The following STAT4 variants were observed in gnomAD, a reference collection of about 807,000 sequenced individuals.
The protein encoded by STAT4 is signal transducer and activator of transcription 4.
Under a neutral mutation model 110.5 loss-of-function variants are expected in STAT4, and 42 were observed. That is an observed-to-expected ratio of 0.38 (90% CI 0.30 to 0.49). The LOEUF is 0.49. Ranked by LOEUF, STAT4 falls within the 20% of genes least tolerant of loss-of-function variation. The pLI is 0.95. For synonymous variants in STAT4, 284 were observed against 302.2 expected, an observed-to-expected ratio of 0.94 and a Z score of 0.63; for missense variants, 632 against 887.9, an observed-to-expected ratio of 0.71 and a Z score of 3.66.
At chr2:191,055,753 A>G (rs913605509) in intron 13 of STAT4, among the ~76,000 whole-genome samples, 1 of 152,260 alleles carries the variant, frequency 6.6e-6, no homozygotes, top group African/African-American at 2.4e-5. Flanking sequence ...GACCACTGTA[A>G]AAACTGAGGT....
chr2:191,055,154 G>A (rs779177070), intron 13 of STAT4, among the ~76,000 whole-genome samples: 6 of 151,614 alleles, frequency 4.0e-5, no homozygotes, highest in South Asian at 4.2e-4. Context: ...AGTTAATAGC[G>A]TTGCAAAGTG....
rs1698478771 is a variant in STAT4 at position 191,113,293 on chromosome 2, A to G, written c.273+33320T>C. 6.6e-6 allele frequency among the ~76,000 whole-genome samples: 1 copy of G among 152,240 alleles called. No individual in the cohort carries two copies. Among genetic ancestry groups the G allele is most frequent in the African/African-American group, 2.4e-5 (1 of 41,464 alleles). Reference sequence around the variant, plus strand: ...CTGTGAGTAATCACACCGAACAAGCATTATCTCTCCTATTTTTTCCTTCTT... The same window carrying G: ...CTGTGAGTAATCACACCGAACAAGCGTTATCTCTCCTATTTTTTCCTTCTT... On this transcript the variant is annotated intron_variant, in intron 3 of 23. Transcript: ENST00000392320. The surrounding 1 kb of genome is among the most constrained non-coding windows in gnomAD (Gnocchi z 4.8).
Position 191,107,168 on chromosome 2 carries a change from AG to A in STAT4, c.274-30844del, listed in dbSNP as rs1698305508. On this transcript the variant is annotated intron_variant, in intron 3 of 23. Coordinates refer to ENST00000392320, the MANE Select transcript of STAT4 (RefSeq NM_003151.4). The surrounding 1 kb of genome is among the most constrained non-coding windows in gnomAD (Gnocchi z 4.2). ...AAGATGAAAAATGGTTAAAAGCTTC[AG>A]GGTTTGAGGTGTCTTGTTTTGTGAG... is the stretch of plus-strand genomic sequence containing the variant. Among the ~76,000 whole-genome samples the A allele has an allele frequency of 2.6e-5, 4 of 152,298 alleles. No homozygotes were observed. The highest frequency in any genetic ancestry group is 9.6e-5 in the African/African-American group (4 of 41,552).
chr2:191,125,418 G>A (rs959127758), intron 3 of STAT4, among the ~76,000 whole-genome samples: 1 of 151,564 alleles, frequency 6.6e-6, no homozygotes, highest in Non-Finnish European at 1.5e-5. Flanking sequence ...CAGAGCATAT[G>A]GTAATAGACA....
At chr2:191,036,671 C>T (rs760335456) in intron 16 of STAT4, among the ~76,000 whole-genome samples, 1 of 152,260 alleles carries the variant, frequency 6.6e-6, no homozygotes, top group South Asian at 2.1e-4. Context: ...CCTTTCCTTC[C>T]TTTTCTTACT....
chr2:191,064,961 A>G lies in STAT4; in HGVS notation c.631-3T>C, dbSNP rs770333454. 1 of 1,595,732 alleles carries G rather than the reference A, an allele frequency of 6.3e-7. No homozygotes were observed. The highest frequency in any genetic ancestry group is 1.1e-5 in the South Asian group (1 of 88,624). On this transcript the variant is annotated splice_region_variant and splice_polypyrimidine_tract_variant and intron_variant, in intron 7 of 23. Transcript: ENST00000392320. Reference sequence around the variant, plus strand: ...TGGGTCATTTTACTGAGAGCCTCCTAAAAACAAAGGGGACTACTGAAGAGA... The same window carrying G: ...TGGGTCATTTTACTGAGAGCCTCCTGAAAACAAAGGGGACTACTGAAGAGA...
rs180767600 is a variant in STAT4, at chr2:191,090,382, C to T, written c.274-14057G>A. Reference sequence around the variant, plus strand: ...CAAAGTTAGCTTTAAATTCTCTCATCGTCGCAAAGGTTTTCTTGATAAAAG... The same window carrying T: ...CAAAGTTAGCTTTAAATTCTCTCATTGTCGCAAAGGTTTTCTTGATAAAAG... On this transcript the variant is annotated intron_variant, in intron 3 of 23. Coordinates refer to ENST00000392320, the MANE Select transcript of STAT4 (RefSeq NM_003151.4). The surrounding 1 kb of genome is among the most constrained non-coding windows in gnomAD (Gnocchi z 4.2). 1.4e-4 allele frequency among the ~76,000 whole-genome samples: 22 copies of T among 152,130 alleles called. No individual in the cohort carries two copies. In the East Asian group the frequency reaches 3.7e-3, roughly 25 times the overall value.
chr2:191,045,635 A>G (rs781659328), intron 14 of STAT4, among the ~76,000 whole-genome samples: 5 of 152,234 alleles, frequency 3.3e-5, no homozygotes, highest in Non-Finnish European at 7.3e-5. Context: ...GAAATCAGAA[A>G]TAATAAAAAC....
rs1412618314 is a variant in STAT4 at position 191,053,385 on chromosome 2, A to G, written c.1251+1105T>C. ...CTCATCAGTTCATTTGCCAAACGTC[A>G]CATTTTCAGGCCCTGGCAGAGCATG... On this transcript the variant is annotated intron_variant, in intron 14 of 23. Transcript: ENST00000392320. This position sits in a 1 kb window ranked among gnomAD's most constrained non-coding sequence, Gnocchi z 4.5. Among the ~76,000 whole-genome samples the G allele has an allele frequency of 6.6e-6, 1 of 152,178 alleles. No individual in the cohort carries two copies. Among genetic ancestry groups the G allele is most frequent in the Non-Finnish European group, 1.5e-5 (1 of 68,030 alleles).
upstream of STAT4, chr2:191,151,108 GACTT>G: frequency 2.0e-6 from 2 of 985,388 alleles, no homozygotes; most frequent in Non-Finnish European, 2.4e-6. The surrounding 1 kb of genome is among the most constrained non-coding windows in gnomAD (Gnocchi z 4.7). Context: ...GAGTCTCTGG[GACTT>G]TACTTGGGTC....
Position 191,146,884 on chromosome 2 carries a change from A to C in STAT4, c.129-127T>G, listed in dbSNP as rs533347771. The C allele has an allele frequency of 1.4e-5, 13 of 919,654 alleles. No individual in the cohort carries two copies. The African/African-American group carries it at 2.2e-4, about 16-fold the overall frequency. The allele number at this position is 919,654 out of a possible 1,614,324, so 57.0% of individuals were successfully genotyped here. A position where few individuals can be genotyped will look rare whatever the true frequency, so the allele number is the denominator to read the frequency against. ...AAGCATTTAAAAGTTTTAAAAAATTAAATTGTTAACATGAAGAGATGCTCA... is the reference window on the plus strand; with the variant it reads ...AAGCATTTAAAAGTTTTAAAAAATTCAATTGTTAACATGAAGAGATGCTCA... On this transcript the variant is annotated intron_variant, in intron 2 of 23. Coordinates refer to ENST00000392320, the MANE Select transcript of STAT4 (RefSeq NM_003151.4). The surrounding 1 kb of genome is among the most constrained non-coding windows in gnomAD (Gnocchi z 4.5).
At chr2:191,071,066 G>A (rs1488206367) in intron 5 of STAT4, among the ~76,000 whole-genome samples, 1 of 152,130 alleles carries the variant, frequency 6.6e-6, no homozygotes, top group Non-Finnish European at 1.5e-5. Context: ...AGTAGCTATT[G>A]ACTACATGAT....
At chr2:191,130,703 G>C (rs543351844) in intron 3 of STAT4, among the ~76,000 whole-genome samples, 5 of 151,642 alleles carry the variant, frequency 3.3e-5, no homozygotes, top group Non-Finnish European at 7.4e-5. Context: ...TGTTTTACAG[G>C]TTTTTCTTAA....
rs1234711252 is a variant in STAT4, at chr2:191,033,954, A to G, written c.1672T>C (p.Leu558=). ...FTFWTWLEAI[L]DLIKKHILPL... is the part of the protein sequence containing the mutation. Reference sequence around the variant, plus strand: ...AGAATGTGTTTCTTAATTAGATCCAATATTGCTTCAAGCCATGTCCAAAAG... The same window carrying G: ...AGAATGTGTTTCTTAATTAGATCCAGTATTGCTTCAAGCCATGTCCAAAAG... The change falls in exon 19 of 24, where the codon TTG becomes CTG. Residue 558 remains leucine, a synonymous_variant. Transcript: ENST00000392320. This position sits in a 1 kb window ranked among gnomAD's most constrained non-coding sequence, Gnocchi z 6.9. The G allele has an allele frequency of 3.7e-6, 6 of 1,612,862 alleles. No homozygotes were observed. Among genetic ancestry groups the G allele is most frequent in the Non-Finnish European group, 5.1e-6 (6 of 1,179,614 alleles).
rs546082243 is a variant in STAT4, at chr2:191,059,320, A to G, written c.1035-551T>C. 2.6e-5 allele frequency among the ~76,000 whole-genome samples: 4 copies of G among 152,362 alleles called. No homozygotes were observed. The South Asian group carries it at 8.3e-4, about 32-fold the overall frequency. ...TCATTAAAAAAACAAACTTCAAATG[A>G]ACAAGTAATTGAAGTTCAGTATAAA... On this transcript the variant is annotated intron_variant, in intron 10 of 23. Transcript: ENST00000392320. This position sits in a 1 kb window ranked among gnomAD's most constrained non-coding sequence, Gnocchi z 4.7.
At chr2:191,036,487 A>G (rs1161624135) in intron 16 of STAT4, among the ~76,000 whole-genome samples, 188 bp from the exon 17 acceptor site, 3 of 152,138 alleles carry the variant, frequency 2.0e-5, no homozygotes, top group Non-Finnish European at 1.5e-5. Context: ...GGTGCCAGGG[A>G]ACAAGCGTGT....
chr2:191,112,722 C>T lies in STAT4; in HGVS notation c.273+33891G>A, dbSNP rs1180545582. On this transcript the variant is annotated intron_variant, in intron 3 of 23. Transcript: ENST00000392320. This position sits in a 1 kb window ranked among gnomAD's most constrained non-coding sequence, Gnocchi z 4.3. ...TTTCTGCAGTGAGGAACACTGAAGC[C>T]TAGGGAGGGGAAGGTCGCCCAGTTA... Among the ~76,000 whole-genome samples the T allele has an allele frequency of 6.6e-6, 1 of 152,126 alleles. No homozygotes were observed. The highest frequency in any genetic ancestry group is 2.4e-5 in the African/African-American group (1 of 41,428).
intron 3 of STAT4, among the ~76,000 whole-genome samples, chr2:191,133,625 T>A (rs946182630): frequency 2.6e-5 from 4 of 151,814 alleles, no homozygotes; most frequent in Non-Finnish European, 1.5e-5. Flanking sequence ...TCTTTGCACT[T>A]TTTGTGTTGC....
intron 3 of STAT4, among the ~76,000 whole-genome samples, chr2:191,139,280 T>C (rs1699259668): frequency 6.6e-6 from 1 of 151,878 alleles, no homozygotes; most frequent in Admixed American, 6.6e-5. Context: ...ATACAAGGCA[T>C]CCAAATTGGA....
Sources: allele counts gnomAD v4.1 joint callset (sites outside exome capture counted in the v4.1 genomes callset), GRCh38; gene constraint gnomAD v4.1.1; non-coding constraint Gnocchi (gnomAD v3.1); transcripts MANE v1.5; gene names NCBI Gene and HGNC (gene_info 2026-07-23, HGNC 2026-07-21).